The following SCFD2 variants were observed in gnomAD, a reference collection of about 807,000 sequenced individuals.
The protein encoded by SCFD2 is sec1 family domain containing 2.
A neutral mutation model predicts 58.9 loss-of-function variants in SCFD2; 54 were observed. The observed-to-expected ratio is 0.92, with a 90% CI of 0.74 to 1.15. SCFD2 has a LOEUF of 1.15. Ranked by LOEUF, SCFD2 falls within the 50% of genes most tolerant of loss-of-function variation. SCFD2 has a pLI of 0.00. For missense variants in SCFD2, 805 were observed against 836.6 expected (o/e 0.96, Z 0.47); for synonymous variants, 321 against 335.9 (o/e 0.96, Z 0.49).
At chr4:53,145,067 G>C (rs1436318947) in intron 5 of SCFD2, among the ~76,000 whole-genome samples, 1 of 152,150 alleles carries the variant, frequency 6.6e-6, no homozygotes, top group Non-Finnish European at 1.5e-5. Context: ...TGCCCCTTAT[G>C]AGACTCTAAC....
chr4:53,155,513 T>G (rs993808230), intron 4 of SCFD2, among the ~76,000 whole-genome samples: 1 of 152,218 alleles, frequency 6.6e-6, no homozygotes, highest in Non-Finnish European at 1.5e-5. Context: ...TCAGGTATTG[T>G]TGTAGCAGCA....
intron 8 of SCFD2, among the ~76,000 whole-genome samples, chr4:52,876,054 C>G (rs1308085087): frequency 6.6e-6 from 1 of 151,772 alleles, no homozygotes; most frequent in Non-Finnish European, 1.5e-5. Context: ...TCAGGTCTTC[C>G]TCACCAAACC....
At chr4:53,284,420 G>T (rs1731601683) in intron 3 of SCFD2, among the ~76,000 whole-genome samples, 1 of 152,216 alleles carries the variant, frequency 6.6e-6, no homozygotes, top group Admixed American at 6.5e-5. Context: ...GGTCAGGGAA[G>T]AGAGGAAGTT....
intron 5 of SCFD2, among the ~76,000 whole-genome samples, chr4:52,929,370 T>G (rs778509569): frequency 1.3e-5 from 2 of 152,188 alleles, no homozygotes; most frequent in African/African-American, 2.4e-5. Context: ...AAAAACCAGT[T>G]GCACTACTTT....
rs573301950 is a variant in SCFD2 at position 53,152,973 on chromosome 4, C to A, written c.1312-7391G>T. ...TGGTGTGAGAAGTAGGCTCCCAAGGCCTTTGACAGCCCTGCCCCTGTGGCT... is the reference window on the plus strand; with the variant it reads ...TGGTGTGAGAAGTAGGCTCCCAAGGACTTTGACAGCCCTGCCCCTGTGGCT... On this transcript the variant is annotated intron_variant, in intron 4 of 8. Coordinates refer to ENST00000401642, the MANE Select transcript of SCFD2 (RefSeq NM_152540.4). 2.7e-3 allele frequency among the ~76,000 whole-genome samples: 410 copies of A among 152,310 alleles called. 2 individuals carry two copies. Among genetic ancestry groups the A allele is most frequent in the Non-Finnish European group, 4.9e-3 (330 of 68,020 alleles).
intron 5 of SCFD2, among the ~76,000 whole-genome samples, chr4:53,098,899 C>A (rs1387316852): frequency 6.6e-6 from 1 of 152,130 alleles, no homozygotes; most frequent in Non-Finnish European, 1.5e-5. Context: ...TTATTTGTTT[C>A]CATAGACCTA....
At chr4:52,930,953 C>T (rs112254364) in intron 5 of SCFD2, among the ~76,000 whole-genome samples, 1 of 152,098 alleles carries the variant, frequency 6.6e-6, no homozygotes, top group East Asian at 1.9e-4. Context: ...TCTCTCACAG[C>T]GTTTCGACTT....
intron 4 of SCFD2, among the ~76,000 whole-genome samples, chr4:53,205,918 A>T (rs1002809433): frequency 1.1e-4 from 16 of 151,804 alleles, no homozygotes; most frequent in Admixed American, 2.6e-4. Context: ...TTAATAAATT[A>T]AAAAAAACAC....
intron 5 of SCFD2, among the ~76,000 whole-genome samples, chr4:53,041,819 C>T (rs1722907504): frequency 6.6e-6 from 1 of 152,128 alleles, no homozygotes; most frequent in African/African-American, 2.4e-5. Flanking sequence ...TTATTCTTTT[C>T]AGGCATTCCA....
chr4:53,213,759 ACT>A (rs1290840635), intron 4 of SCFD2, among the ~76,000 whole-genome samples: 1 of 151,870 alleles, frequency 6.6e-6, no homozygotes, highest in Non-Finnish European at 1.5e-5. Context: ...GCATCCATTA[ACT>A]CGTCATTTAT....
intron 4 of SCFD2, among the ~76,000 whole-genome samples, chr4:53,210,534 T>C (rs1728574897): frequency 6.6e-6 from 1 of 152,156 alleles, no homozygotes. Flanking sequence ...AGCTGTCTTC[T>C]ATTAAACCAG....
intron 3 of SCFD2, among the ~76,000 whole-genome samples, chr4:53,290,762 TAG>T (rs1455630696): frequency 6.6e-6 from 1 of 151,778 alleles, no homozygotes; most frequent in Non-Finnish European, 1.5e-5. Flanking sequence ...GAAATGAAAG[TAG>T]AGACATTACT....
At chr4:53,117,367 T>C (rs1439588099) in intron 5 of SCFD2, among the ~76,000 whole-genome samples, 5 of 152,070 alleles carry the variant, frequency 3.3e-5, no homozygotes, top group Admixed American at 6.5e-5. Flanking sequence ...CAGCTTGGGG[T>C]TGGCAAACCT....
chr4:53,341,679 A>G (rs2149147252), intron 2 of SCFD2, among the ~76,000 whole-genome samples: 1 of 152,322 alleles, frequency 6.6e-6, no homozygotes, highest in South Asian at 2.1e-4. Context: ...GTTGAAATGA[A>G]GGAAAAAATG....
Position 53,218,555 on chromosome 4 carries a change from CA to C in SCFD2, c.1311+55270del, listed in dbSNP as rs141426430. Among the ~76,000 whole-genome samples, 1,416 of 152,196 alleles carry C rather than the reference CA, an allele frequency of 9.3e-3. 27 individuals are homozygous for C. The highest frequency in any genetic ancestry group is 0.032 in the African/African-American group (1,342 of 41,538). ...GTTAGGCATTCATCTAATCTTTTTT[CA>C]AGGTTTTTAGCTTCTTTGCGATGGG... On this transcript the variant is annotated intron_variant, in intron 4 of 8. Coordinates refer to ENST00000401642, the MANE Select transcript of SCFD2 (RefSeq NM_152540.4).
At chr4:52,946,461 A>C (rs1720430153) in intron 5 of SCFD2, among the ~76,000 whole-genome samples, 1 of 152,176 alleles carries the variant, frequency 6.6e-6, no homozygotes, top group Non-Finnish European at 1.5e-5. Flanking sequence ...CTAAAAAAAA[A>C]ATTTGATGAA....
rs1560508105 is a variant in SCFD2 at position 53,007,408 on chromosome 4, A to AG, written c.1562-86539dup. 4.9e-3 allele frequency among the ~76,000 whole-genome samples: 353 copies of AG among 72,738 alleles called. 6 individuals are homozygous for AG. The highest frequency in any genetic ancestry group is 0.017 in the African/African-American group (338 of 19,360). The allele number at this position is 72,738 out of a possible 152,430, so 47.7% of individuals were successfully genotyped here. A position where few individuals can be genotyped will look rare whatever the true frequency, so the allele number is the denominator to read the frequency against. ...AAAGAAGGAAGGAAGGAAGGAAGGGAGGGAGGGAGGGAGGGAGGGAGGGAG... is the reference window on the plus strand; with the variant it reads ...AAAGAAGGAAGGAAGGAAGGAAGGGAGGGGAGGGAGGGAGGGAGGGAGGGAG... On this transcript the variant is annotated intron_variant, in intron 5 of 8. Transcript: ENST00000401642.
intron 5 of SCFD2, among the ~76,000 whole-genome samples, chr4:52,935,151 A>G (rs1720103584): frequency 6.6e-6 from 1 of 152,236 alleles, no homozygotes; most frequent in South Asian, 2.1e-4. Context: ...TTTAATTACA[A>G]TGAATTGGAA....
chr4:53,093,334 T>C (rs1250323970), intron 5 of SCFD2, among the ~76,000 whole-genome samples: 1 of 152,168 alleles, frequency 6.6e-6, no homozygotes, highest in African/African-American at 2.4e-5. Context: ...GAAAGAAGAA[T>C]GAAATGTGTT....
Sources: allele counts gnomAD v4.1 joint callset (sites outside exome capture counted in the v4.1 genomes callset), GRCh38; gene constraint gnomAD v4.1.1; transcripts MANE v1.5; gene names NCBI Gene and HGNC (gene_info 2026-07-23, HGNC 2026-07-21).